Variants in CSMD1 observed in about 807,000 individuals in gnomAD.
CSMD1 encodes CUB and Sushi multiple domains 1, also known as CUB and sushi domain-containing protein 1.
Under a neutral mutation model 417.5 loss-of-function variants are expected in CSMD1, and 213 were observed. The ratio of observed to expected loss-of-function variants is 0.51; its 90% CI spans 0.46 to 0.57. The LOEUF (loss-of-function observed/expected upper bound fraction) is 0.57, where lower values mean the gene tolerates loss of function less well. Among genes scored for constraint, CSMD1 ranks in the 20% least tolerant of loss-of-function variants. The probability of loss-of-function intolerance (pLI) is 0.00; values close to 1 mark genes in which losing one functional copy is unlikely to be tolerated. For missense variants in CSMD1, 6,923 were observed against 4,529.7 expected, an observed-to-expected ratio of 1.53 and a Z score of -15.17; for synonymous variants, 2,862 against 1,736.8, an observed-to-expected ratio of 1.65 and a Z score of -16.11.
intron 7 of CSMD1, among the ~76,000 whole-genome samples, chr8:3,670,950 T>C (rs1174483430): frequency 2.7e-5 from 3 of 110,492 alleles, no homozygotes; most frequent in Non-Finnish European, 4.0e-5. Flanking sequence ...TATGGGTATA[T>C]GTGTATGGGA....
At chr8:3,454,752 C>G (rs1815995308) in intron 12 of CSMD1, among the ~76,000 whole-genome samples, 1 of 152,152 alleles carries the variant, frequency 6.6e-6, no homozygotes, top group Admixed American at 6.5e-5. Context: ...TAAATTTTTT[C>G]TTCATCTCTA....
rs553522989 is a variant in CSMD1, at chr8:4,157,139, T to C, written c.416-125040A>G. On this transcript the variant is annotated intron_variant, in intron 3 of 69. Transcript: ENST00000635120. ...GGAAACCCTAAGAGTGTATTTTATA[T>C]TTTTAAGTGGTAGAAGAAACATCAG... 3.3e-5 allele frequency among the ~76,000 whole-genome samples: 5 copies of C among 152,258 alleles called. No homozygotes were observed. In the East Asian group the frequency reaches 9.7e-4, roughly 30 times the overall value.
intron 25 of CSMD1, among the ~76,000 whole-genome samples, chr8:3,290,351 T>C (rs7837516): frequency 0.73 from 103,855 of 143,186 alleles, 39,904 homozygotes; most frequent in Middle Eastern, 0.81. Flanking sequence ...TAGTTTTTTC[T>C]AATTCTGTGA....
At chr8:3,720,179 G>C (rs939374998) in intron 6 of CSMD1, among the ~76,000 whole-genome samples, 1 of 152,186 alleles carries the variant, frequency 6.6e-6, no homozygotes, top group African/African-American at 2.4e-5. Context: ...AGCTGGGGAT[G>C]AACCTCTCCA....
chr8:4,642,698 A>G (rs1199031167), intron 1 of CSMD1, among the ~76,000 whole-genome samples: 2 of 152,218 alleles, frequency 1.3e-5, no homozygotes, highest in Non-Finnish European at 2.9e-5. Context: ...TAATTCGTGC[A>G]CAGCCTTTGA....
chr8:3,164,368 A>G (rs750480133), intron 37 of CSMD1, among the ~76,000 whole-genome samples: 2 of 152,224 alleles, frequency 1.3e-5, no homozygotes, highest in Non-Finnish European at 2.9e-5. Context: ...AAGCAGCAAT[A>G]TACTTTATTC....
chr8:3,428,903 G>A (rs576352441), intron 12 of CSMD1, among the ~76,000 whole-genome samples: 2 of 152,222 alleles, frequency 1.3e-5, no homozygotes, highest in Non-Finnish European at 2.9e-5. Context: ...GGATGAGCCT[G>A]AAGGACACTT....
rs376121323 is a variant in CSMD1 at position 4,555,679 on chromosome 8, G to C, written c.302+81663C>G. On this transcript the variant is annotated intron_variant, in intron 2 of 69. Coordinates refer to ENST00000635120, the MANE Select transcript of CSMD1 (RefSeq NM_033225.6). ...TCAGAATTCAATCAGCAATGGAGAG[G>C]AATAAGTCTCTTTAGGGGTGAGATT... Among the ~76,000 whole-genome samples, 5 of 152,268 alleles carry C rather than the reference G, an allele frequency of 3.3e-5. No individual in the cohort carries two copies. The East Asian group carries it at 7.7e-4, about 24-fold the overall frequency.
At chr8:3,971,715 T>C (rs1813103610) in intron 5 of CSMD1, among the ~76,000 whole-genome samples, 2 of 152,142 alleles carry the variant, frequency 1.3e-5, no homozygotes, top group South Asian at 2.1e-4. Context: ...CCTCTTCCAG[T>C]GAGTTTCTCG....
intron 5 of CSMD1, among the ~76,000 whole-genome samples, chr8:3,777,454 C>G (rs1190119100): frequency 2.0e-5 from 3 of 152,178 alleles, no homozygotes; most frequent in Admixed American, 2.0e-4. Context: ...TCAAAGGGAG[C>G]AGTGCTCATT....
chr8:4,698,886 C>T (rs888097896), intron 1 of CSMD1, among the ~76,000 whole-genome samples: 2 of 150,538 alleles, frequency 1.3e-5, no homozygotes, highest in Non-Finnish European at 2.9e-5. Context: ...AACTCTTAAA[C>T]ATGTGCATAC....
intron 49 of CSMD1, among the ~76,000 whole-genome samples, chr8:3,058,541 G>GA (rs1394484706): frequency 6.6e-6 from 1 of 152,110 alleles, no homozygotes; most frequent in Non-Finnish European, 1.5e-5. Flanking sequence ...GCTAAGACAG[G>GA]AAAAAATACA....
chr8:2,958,429 A>G (rs1187475407), intron 62 of CSMD1, among the ~76,000 whole-genome samples: 1 of 152,258 alleles, frequency 6.6e-6, no homozygotes, highest in Admixed American at 6.5e-5. Context: ...CATTTCCCCA[A>G]CGTATCTGCT....
intron 16 of CSMD1, among the ~76,000 whole-genome samples, chr8:3,397,213 T>C (rs530251148): frequency 6.6e-6 from 1 of 152,278 alleles, no homozygotes; most frequent in East Asian, 1.9e-4. Context: ...GGGAGCAGCT[T>C]AAGCGTCATA....
At chr8:3,039,938 A>C (rs941057037) in intron 50 of CSMD1, among the ~76,000 whole-genome samples, 4 of 152,320 alleles carry the variant, frequency 2.6e-5, no homozygotes, top group African/African-American at 9.6e-5. Flanking sequence ...TAATAAACAT[A>C]GTCATAGCAC....
intron 12 of CSMD1, among the ~76,000 whole-genome samples, chr8:3,461,927 C>T (rs1324852090): frequency 1.3e-5 from 2 of 152,202 alleles, no homozygotes; most frequent in African/African-American, 4.8e-5. Flanking sequence ...GAGAGGCCAG[C>T]TAAGGAGGCA....
intron 3 of CSMD1, among the ~76,000 whole-genome samples, chr8:4,365,156 T>C (rs1192890235): frequency 6.6e-6 from 1 of 152,222 alleles, no homozygotes; most frequent in Admixed American, 6.5e-5. Context: ...TATCATATTT[T>C]TATTTTGAAT....
At chr8:3,128,129 T>C (rs961481449) in intron 41 of CSMD1, 2 of 152,084 alleles carry the variant, frequency 1.3e-5, no homozygotes, top group Admixed American at 6.6e-5. Context: ...AAAAGTAAAA[T>C]AACACAGAGA....
intron 23 of CSMD1, among the ~76,000 whole-genome samples, chr8:3,317,959 G>A (rs1307069713): frequency 6.6e-6 from 1 of 152,040 alleles, no homozygotes; most frequent in Non-Finnish European, 1.5e-5. Context: ...CACAGATGTG[G>A]GCCACCATGC....
Sources: allele counts gnomAD v4.1 joint callset (sites outside exome capture counted in the v4.1 genomes callset), GRCh38; gene constraint gnomAD v4.1.1; transcripts MANE v1.5; gene names NCBI Gene and HGNC (gene_info 2026-07-23, HGNC 2026-07-21).